ARID2: variants seen among roughly 807,000 people sequenced by gnomAD.
The protein encoded by ARID2 is AT-rich interactive domain-containing protein 2.
ARID2 carries 32 observed loss-of-function variants against 184.6 expected under a neutral mutation model. The observed-to-expected ratio is 0.17, with a 90% CI of 0.13 to 0.23. The LOEUF is 0.23. Among genes scored for constraint, ARID2 ranks in the 10% least tolerant of loss-of-function variants. ARID2 has a pLI of 1.00. For synonymous variants in ARID2, 836 were observed against 772.6 expected (o/e 1.08, Z -1.36); for missense variants, 1,696 against 2,197.6 (o/e 0.77, Z 4.56).
At chr12:45,751,504 G>T (rs999724128) in intron 3 of ARID2, among the ~76,000 whole-genome samples, 1 of 152,222 alleles carries the variant, frequency 6.6e-6, no homozygotes, top group Non-Finnish European at 1.5e-5. Flanking sequence ...ATGCTTTGTT[G>T]TGTATAGATG....
intron 3 of ARID2, among the ~76,000 whole-genome samples, chr12:45,808,957 C>T (rs1402570326): frequency 6.6e-6 from 1 of 151,926 alleles, no homozygotes; most frequent in African/African-American, 2.4e-5. Context: ...GTAGAGATGG[C>T]GTTTTGCTGT....
chr12:45,760,943 C>T (rs1941666470), intron 3 of ARID2, among the ~76,000 whole-genome samples: 1 of 152,032 alleles, frequency 6.6e-6, no homozygotes, highest in South Asian at 2.1e-4. Context: ...CTCACTGGAG[C>T]CCGAATCTCC....
At chr12:45,738,805 T>C (rs1303551229) in intron 3 of ARID2, among the ~76,000 whole-genome samples, 1 of 109,098 alleles carries the variant, frequency 9.2e-6, no homozygotes, top group Non-Finnish European at 2.1e-5. Context: ...TTTTTTTTTT[T>C]TTTTTTTTAA....
chr12:45,906,655 T>C lies in ARID2; in HGVS notation c.*1577T>C, dbSNP rs1414261958. 1 of 232,026 alleles carries C rather than the reference T, an allele frequency of 4.3e-6. No homozygotes were observed. Among genetic ancestry groups the C allele is most frequent in the African/African-American group, 2.2e-5 (1 of 45,282 alleles). 14.4% of individuals were successfully genotyped at this position (232,026 alleles called of 1,614,324 possible). A position where few individuals can be genotyped will look rare whatever the true frequency, so the allele number is the denominator to read the frequency against. The stretch of plus-strand genomic sequence containing the variant: ...ACCTACCTATTTGATTATATGTTGA[T>C]TGATAACATATTAAATAGAGAACAA... On this transcript the variant is annotated 3_prime_UTR_variant, in exon 21 of 21. Coordinates refer to ENST00000334344, the MANE Select transcript of ARID2 (RefSeq NM_152641.4).
intron 6 of ARID2, among the ~76,000 whole-genome samples, chr12:45,832,779 T>C (rs1943145477): frequency 6.6e-6 from 1 of 152,136 alleles, no homozygotes; most frequent in African/African-American, 2.4e-5. Flanking sequence ...GTAATAAAAC[T>C]AAAAAATTAA....
At chr12:45,766,005 AT>A (rs1941763736) in intron 3 of ARID2, among the ~76,000 whole-genome samples, 1 of 152,104 alleles carries the variant, frequency 6.6e-6, no homozygotes, top group South Asian at 2.1e-4. Context: ...GTTCATTTTT[AT>A]TTTATTGCTG....
intron 15 of ARID2, among the ~76,000 whole-genome samples, chr12:45,856,317 T>C (rs988525878): frequency 1.3e-5 from 2 of 152,142 alleles, no homozygotes; most frequent in African/African-American, 4.8e-5. Flanking sequence ...TCCGCCCACC[T>C]CGGCCTCCCA....
chr12:45,862,323 T>C (rs983524966), intron 16 of ARID2, among the ~76,000 whole-genome samples: 17 of 152,224 alleles, frequency 1.1e-4, no homozygotes, highest in Admixed American at 9.8e-4. Context: ...TCTTTAAAAA[T>C]CAGTCCTTTA....
intron 15 of ARID2, among the ~76,000 whole-genome samples, chr12:45,857,741 A>ATCTCTCTC (rs140411335): frequency 6.6e-6 from 1 of 151,142 alleles, no homozygotes; most frequent in Admixed American, 6.6e-5. Flanking sequence ...AGCTAAATGC[A>ATCTCTCTC]TCTCTCTCTC....
intron 3 of ARID2, among the ~76,000 whole-genome samples, chr12:45,787,294 T>G (rs1424624717): frequency 6.6e-6 from 1 of 151,610 alleles, no homozygotes; most frequent in Non-Finnish European, 1.5e-5. Flanking sequence ...CGCGGCTCAC[T>G]ATAGCCTCGA....
chr12:45,852,917 A>G (rs370067369), intron 15 of ARID2, 21 bp downstream of exon 15: 361 of 1,525,136 alleles, frequency 2.4e-4, no homozygotes, highest in Non-Finnish European at 2.9e-4. Flanking sequence ...CCATGATCAC[A>G]TTTCTCTTAT....
At chr12:45,808,176 C>T (rs1279144417) in intron 3 of ARID2, among the ~76,000 whole-genome samples, 1 of 152,166 alleles carries the variant, frequency 6.6e-6, no homozygotes, top group Non-Finnish European at 1.5e-5. Flanking sequence ...TATGTAAACT[C>T]AAGGTCATGT....
intron 3 of ARID2, among the ~76,000 whole-genome samples, chr12:45,733,978 A>G (rs1174044522): frequency 1.3e-5 from 2 of 152,178 alleles, no homozygotes; most frequent in Non-Finnish European, 2.9e-5. Context: ...AAAGTTTCTC[A>G]CCTACTCCAG....
chr12:45,797,777 C>G (rs1942417259), intron 3 of ARID2, among the ~76,000 whole-genome samples: 1 of 151,794 alleles, frequency 6.6e-6, no homozygotes, highest in African/African-American at 2.4e-5. Flanking sequence ...ATTGAAAATG[C>G]TATTCTTTCT....
At chr12:45,853,066 A>G (rs1943586433) in intron 15 of ARID2, among the ~76,000 whole-genome samples, 170 bp downstream of exon 15, 1 of 152,166 alleles carries the variant, frequency 6.6e-6, no homozygotes, top group Admixed American at 6.5e-5. Flanking sequence ...TTAGTTTTCA[A>G]TTTTAGCACA....
chr12:45,807,680 A>G (rs1942627257), intron 3 of ARID2, among the ~76,000 whole-genome samples: 1 of 152,180 alleles, frequency 6.6e-6, no homozygotes, highest in African/African-American at 2.4e-5. Flanking sequence ...TGGTTAGAAA[A>G]TGTGCCCTAT....
intron 15 of ARID2, among the ~76,000 whole-genome samples, chr12:45,860,375 T>G (rs1490104622): frequency 6.6e-6 from 1 of 152,194 alleles, no homozygotes; most frequent in African/African-American, 2.4e-5. Flanking sequence ...TTGTTTCACA[T>G]TATATTCTTT....
intron 15 of ARID2, 151 bp downstream of exon 15, chr12:45,853,047 T>C: frequency 8.1e-7 from 1 of 1,241,386 alleles, no homozygotes; most frequent in South Asian, 2.6e-5. Context: ...TTTCTCTGGT[T>C]TTGTAATATT....
intron 3 of ARID2, among the ~76,000 whole-genome samples, chr12:45,779,696 TC>T (rs1408837944): frequency 2.0e-5 from 3 of 152,120 alleles, no homozygotes; most frequent in Non-Finnish European, 4.4e-5. Context: ...TTTTCTGTCA[TC>T]TTTTAGTTTT....
Sources: allele counts gnomAD v4.1 joint callset (sites outside exome capture counted in the v4.1 genomes callset), GRCh38; gene constraint gnomAD v4.1.1; transcripts MANE v1.5; gene names NCBI Gene and HGNC (gene_info 2026-07-23, HGNC 2026-07-21).